The following TRHDE variants were observed in gnomAD, a reference collection of about 807,000 sequenced individuals.
TRHDE encodes thyrotropin releasing hormone degrading enzyme.
In TRHDE, 72 loss-of-function variants were observed where a neutral mutation model predicts 125.7. The observed-to-expected ratio is 0.57, with a 90% CI of 0.47 to 0.70. TRHDE has a LOEUF of 0.70. TRHDE is among the 30% of genes least tolerant of loss of function. The pLI, the probability that TRHDE is intolerant of heterozygous loss-of-function variation, is 0.00. For synonymous variants in TRHDE, 509 were observed against 509.1 expected (o/e 1.00, Z 0.00); for missense variants, 1,110 against 1,327.1 (o/e 0.84, Z 2.54).
intron 2 of TRHDE, among the ~76,000 whole-genome samples, chr12:72,119,398 A>G (rs983176876): frequency 6.6e-6 from 1 of 152,174 alleles, no homozygotes; most frequent in African/African-American, 2.4e-5. Context: ...TGGTCATAGA[A>G]GATGCTTTAT....
At chr12:72,305,050 A>G (rs1868319754) in intron 2 of TRHDE, among the ~76,000 whole-genome samples, 1 of 152,138 alleles carries the variant, frequency 6.6e-6, no homozygotes, top group African/African-American at 2.4e-5. Context: ...GTAGATATTA[A>G]CTTTTTCTAT....
chr12:72,574,912 A>G (rs1870919662), intron 10 of TRHDE, among the ~76,000 whole-genome samples: 1 of 152,106 alleles, frequency 6.6e-6, no homozygotes, highest in South Asian at 2.1e-4. Flanking sequence ...TTCTAGTGTC[A>G]TATCCCCATA....
At chr12:72,339,094 C>T (rs916655429) in intron 2 of TRHDE, among the ~76,000 whole-genome samples, 2 of 152,112 alleles carry the variant, frequency 1.3e-5, no homozygotes, top group Non-Finnish European at 2.9e-5. Flanking sequence ...CTCACTTTAA[C>T]TGAATTTCCA....
intron 3 of TRHDE, among the ~76,000 whole-genome samples, chr12:72,419,210 G>T (rs1367481041): frequency 6.6e-6 from 1 of 152,098 alleles, no homozygotes; most frequent in Admixed American, 6.6e-5. Flanking sequence ...TAGTATAATT[G>T]GTGTTTAAAG....
intron 2 of TRHDE, among the ~76,000 whole-genome samples, chr12:72,328,482 T>C (rs1035263888): frequency 2.6e-5 from 4 of 152,144 alleles, no homozygotes; most frequent in Non-Finnish European, 2.9e-5. Flanking sequence ...TTTGGATTAT[T>C]GATGATTTAA....
chr12:72,634,704 A>G (rs1036761495), intron 15 of TRHDE, among the ~76,000 whole-genome samples: 1 of 121,832 alleles, frequency 8.2e-6, no homozygotes, highest in Non-Finnish European at 1.6e-5. Flanking sequence ...TCCTGTGTCC[A>G]TGTGTTCTCA....
chr12:72,398,859 T>A (rs1211651253), intron 3 of TRHDE, among the ~76,000 whole-genome samples: 1 of 152,140 alleles, frequency 6.6e-6, no homozygotes, highest in African/African-American at 2.4e-5. Flanking sequence ...ATATAACCAT[T>A]TTTACTAGTC....
chr12:72,340,950 G>A (rs139264808), intron 2 of TRHDE, among the ~76,000 whole-genome samples: 42 of 152,204 alleles, frequency 2.8e-4, no homozygotes, highest in African/African-American at 8.9e-4. Context: ...TGTTAGATAC[G>A]GGAGTGGGCA....
chr12:72,306,166 T>G (rs1017633870), intron 2 of TRHDE, among the ~76,000 whole-genome samples: 4 of 152,222 alleles, frequency 2.6e-5, no homozygotes, highest in Admixed American at 1.3e-4. Context: ...ATTAGATGAC[T>G]TAATCTAGTA....
chr12:72,489,327 A>G (rs1029345265), intron 5 of TRHDE, among the ~76,000 whole-genome samples: 1 of 151,662 alleles, frequency 6.6e-6, no homozygotes, highest in African/African-American at 2.4e-5. Context: ...TTGAACAGAT[A>G]ACTCAGAAAT....
At chr12:72,229,685 C>G (rs1343636448) in intron 2 of TRHDE, among the ~76,000 whole-genome samples, 1 of 152,112 alleles carries the variant, frequency 6.6e-6, no homozygotes, top group Non-Finnish European at 1.5e-5. Flanking sequence ...CTTATGAAAG[C>G]TTACTTAATA....
chr12:72,643,775 A>G (rs566697811), intron 15 of TRHDE, among the ~76,000 whole-genome samples: 2 of 152,330 alleles, frequency 1.3e-5, no homozygotes, highest in South Asian at 2.1e-4. Context: ...TATCACTTCA[A>G]TGCTGGTGAA....
At chr12:72,198,132 A>G (rs1239145601) in intron 2 of TRHDE, among the ~76,000 whole-genome samples, 3 of 152,106 alleles carry the variant, frequency 2.0e-5, no homozygotes, top group Admixed American at 2.0e-4. Flanking sequence ...ATCTTATAGC[A>G]TGTATCAATA....
At chr12:72,648,404 A>G (rs1874370231) in intron 15 of TRHDE, among the ~76,000 whole-genome samples, 1 of 152,114 alleles carries the variant, frequency 6.6e-6, no homozygotes, top group Non-Finnish European at 1.5e-5. Context: ...GCCAGAGAAA[A>G]TAGGGATGAA....
chr12:72,615,662 G>T (rs1041777966), intron 12 of TRHDE, among the ~76,000 whole-genome samples: 1 of 152,112 alleles, frequency 6.6e-6, no homozygotes, highest in Non-Finnish European at 1.5e-5. Context: ...TATCACAGCA[G>T]AAGGAGGGCA....
intron 2 of TRHDE, among the ~76,000 whole-genome samples, chr12:72,266,526 G>A (rs1179397528): frequency 6.7e-6 from 1 of 149,842 alleles, no homozygotes; most frequent in African/African-American, 2.5e-5. Flanking sequence ...TTTGTTCAGG[G>A]TCATACTAGA....
intron 2 of TRHDE, among the ~76,000 whole-genome samples, chr12:72,192,750 C>A (rs1877365639): frequency 6.6e-6 from 1 of 152,034 alleles, no homozygotes; most frequent in Admixed American, 6.6e-5. Flanking sequence ...TTAAAAGGGA[C>A]AACACAAGTA....
chr12:72,491,849 A>G (rs1877699414), intron 5 of TRHDE, among the ~76,000 whole-genome samples: 1 of 151,984 alleles, frequency 6.6e-6, no homozygotes, highest in Non-Finnish European at 1.5e-5. Context: ...GAAATAACAT[A>G]TGGAACACAT....
At chr12:72,633,908 T>C (rs931686565) in intron 15 of TRHDE, among the ~76,000 whole-genome samples, 4 of 152,164 alleles carry the variant, frequency 2.6e-5, no homozygotes, top group Non-Finnish European at 4.4e-5. Context: ...TTTTTAAAAA[T>C]TCCATTACTC....
Sources: allele counts gnomAD v4.1 joint callset (sites outside exome capture counted in the v4.1 genomes callset), GRCh38; gene constraint gnomAD v4.1.1; transcripts MANE v1.5; gene names NCBI Gene and HGNC (gene_info 2026-07-23, HGNC 2026-07-21).